RIMS1: variants seen among roughly 807,000 people sequenced by gnomAD.
The protein encoded by RIMS1 is regulating synaptic membrane exocytosis 1.
RIMS1 carries 83 observed loss-of-function variants against 214.1 expected under a neutral mutation model. The ratio of observed to expected loss-of-function variants is 0.39; its 90% CI spans 0.32 to 0.47. The LOEUF (loss-of-function observed/expected upper bound fraction) is 0.47, where lower values mean the gene tolerates loss of function less well. Among genes scored for constraint, RIMS1 ranks in the 20% least tolerant of loss-of-function variants. RIMS1 has a pLI of 0.99. For missense variants in RIMS1, 2,050 were observed against 2,161.8 expected (o/e 0.95, Z 1.03); for synonymous variants, 793 against 786.8 (o/e 1.01, Z -0.13).
intron 6 of RIMS1, among the ~76,000 whole-genome samples, chr6:72,189,503 C>T (rs1254291630): frequency 6.6e-6 from 1 of 152,210 alleles, no homozygotes; most frequent in African/African-American, 2.4e-5. Flanking sequence ...ATAGGCAAAC[C>T]CATATCTGGA....
Position 72,088,290 on chromosome 6 carries a change from C to G in RIMS1, c.246-8659C>G, listed in dbSNP as rs1018489348. Among the ~76,000 whole-genome samples, 14 of 150,330 alleles carry G rather than the reference C, an allele frequency of 9.3e-5. No individual in the cohort carries two copies. In the South Asian group the frequency reaches 1.5e-3, roughly 16 times the overall value. On this transcript the variant is annotated intron_variant, in intron 2 of 33. Transcript: ENST00000521978. Reference sequence around the variant, plus strand: ...TGAGACCGAGTCTCACTCTTGTCACCCAGGCTGAAGTGCAATGGCCTGATC... The same window carrying G: ...TGAGACCGAGTCTCACTCTTGTCACGCAGGCTGAAGTGCAATGGCCTGATC...
At position 71,982,008 on chromosome 6, in the gene RIMS1, C is replaced by G. The variant is rs189220268; in HGVS notation, c.245+12945C>G. ...CTGAATGCCAATTGACAAATGATTT[C>G]AAGATGGATTATATTATCTCCCTTA... On this transcript the variant is annotated intron_variant, in intron 2 of 33. Transcript: ENST00000521978. 1.5e-4 allele frequency among the ~76,000 whole-genome samples: 23 copies of G among 151,500 alleles called. No individual in the cohort carries two copies. In the East Asian group the frequency reaches 3.9e-3, roughly 26 times the overall value.
chr6:71,981,940 C>CTT (rs67381172), intron 2 of RIMS1, among the ~76,000 whole-genome samples: 77 of 148,804 alleles, frequency 5.2e-4, no homozygotes, highest in Middle Eastern at 3.5e-3. Context: ...ATATAAATTG[C>CTT]TTTTTTTTTT....
intron 9 of RIMS1, among the ~76,000 whole-genome samples, chr6:72,240,380 T>C (rs1173275431): frequency 6.6e-6 from 1 of 151,996 alleles, no homozygotes; most frequent in Non-Finnish European, 1.5e-5. Flanking sequence ...CGTTTGCATC[T>C]ACCACTTTAA....
At chr6:72,231,545 C>T (rs1416109495) in intron 6 of RIMS1, among the ~76,000 whole-genome samples, 2 of 151,672 alleles carry the variant, frequency 1.3e-5, no homozygotes, top group Non-Finnish European at 3.0e-5. Context: ...ATATCTGTAG[C>T]ATCCATTTTA....
intron 2 of RIMS1, among the ~76,000 whole-genome samples, chr6:72,057,441 C>G (rs1010005535): frequency 7.3e-5 from 11 of 151,262 alleles, no homozygotes; most frequent in African/African-American, 2.7e-4. Flanking sequence ...ACCTTCTCTA[C>G]TAGTTAAAGG....
At chr6:72,108,853 C>T (rs1235965447) in intron 4 of RIMS1, among the ~76,000 whole-genome samples, 1 of 109,178 alleles carries the variant, frequency 9.2e-6, no homozygotes, top group Non-Finnish European at 1.8e-5. Flanking sequence ...CTCCCCCCTC[C>T]CCCCACCCCA....
At chr6:72,290,614 T>C in intron 24 of RIMS1, 65 bp from the exon 25 acceptor site, 1 of 1,417,996 alleles carries the variant, frequency 7.1e-7, no homozygotes, top group Non-Finnish European at 9.7e-7. Context: ...CTTGGACAAA[T>C]GTGTTGGTAT....
chr6:72,294,515 T>G (rs2093837180), intron 26 of RIMS1, among the ~76,000 whole-genome samples: 2 of 151,768 alleles, frequency 1.3e-5, no homozygotes, highest in Non-Finnish European at 3.0e-5. Flanking sequence ...ATGGTTTAGA[T>G]TACTAGATAC....
At chr6:72,313,081 T>A (rs2095592515) in intron 27 of RIMS1, among the ~76,000 whole-genome samples, 2 of 152,168 alleles carry the variant, frequency 1.3e-5, no homozygotes, top group Admixed American at 1.3e-4. Context: ...TTTGGAGCAC[T>A]TCAGATTTTG....
chr6:72,229,283 C>T (rs1207841169), intron 6 of RIMS1, among the ~76,000 whole-genome samples: 15 of 151,558 alleles, frequency 9.9e-5, no homozygotes, highest in Admixed American at 9.9e-4. Flanking sequence ...ATTTGAGGAC[C>T]AGTATTTTCA....
At chr6:72,337,850 T>C (rs2096899895) in intron 29 of RIMS1, among the ~76,000 whole-genome samples, 5 of 150,906 alleles carry the variant, frequency 3.3e-5, no homozygotes, top group Admixed American at 3.3e-4. Flanking sequence ...GTTTGGTTTT[T>C]TGTCCTTGTG....
At chr6:72,350,382 T>TC (rs2097404618) in intron 29 of RIMS1, among the ~76,000 whole-genome samples, 1 of 152,126 alleles carries the variant, frequency 6.6e-6, no homozygotes. Context: ...TCAAAGTGGC[T>TC]CTGTAATAAG....
At chr6:72,336,396 G>A (rs1178907389) in intron 29 of RIMS1, among the ~76,000 whole-genome samples, 1 of 151,774 alleles carries the variant, frequency 6.6e-6, no homozygotes, top group Non-Finnish European at 1.5e-5. Flanking sequence ...TTTTATCTCA[G>A]TTATGGTCAG....
At chr6:72,169,920 A>G (rs1359151534) in intron 4 of RIMS1, among the ~76,000 whole-genome samples, 1 of 152,142 alleles carries the variant, frequency 6.6e-6, no homozygotes, top group Non-Finnish European at 1.5e-5. Flanking sequence ...CAAAAACAAA[A>G]CATATGTGAG....
intron 3 of RIMS1, among the ~76,000 whole-genome samples, chr6:72,097,863 T>A (rs1010529877): frequency 1.3e-5 from 2 of 152,204 alleles, no homozygotes; most frequent in African/African-American, 4.8e-5. Context: ...AATATTATTA[T>A]TTATGAAATA....
At chr6:72,400,367 A>C (rs1389536596) in intron 33 of RIMS1, 129 bp from the exon 34 acceptor site, 3 of 706,390 alleles carry the variant, frequency 4.2e-6, no homozygotes, top group Non-Finnish European at 7.6e-6. Flanking sequence ...CTCCTTGGTG[A>C]TAGTTGTATT....
rs554042399 is a variant in RIMS1, at chr6:71,928,509, A to G, written c.165-40474A>G. ...ATCCTATGGAGGGTATATTAAAATCAGTATTAATTACTGAGTTTTGGAAAA... is the reference window on the plus strand; with the variant it reads ...ATCCTATGGAGGGTATATTAAAATCGGTATTAATTACTGAGTTTTGGAAAA... On this transcript the variant is annotated intron_variant, in intron 1 of 33. Coordinates refer to ENST00000521978, the MANE Select transcript of RIMS1 (RefSeq NM_014989.7). Among the ~76,000 whole-genome samples the G allele has an allele frequency of 5.7e-4, 87 of 152,248 alleles. 1 individual carries two copies. The South Asian group carries it at 0.018, about 32-fold the overall frequency.
intron 22 of RIMS1, among the ~76,000 whole-genome samples, chr6:72,270,304 G>A (rs1245619911): frequency 2.0e-5 from 3 of 152,130 alleles, no homozygotes; most frequent in Non-Finnish European, 4.4e-5. Flanking sequence ...GGACTAAAAT[G>A]AATAATTAGA....
Sources: allele counts gnomAD v4.1 joint callset (sites outside exome capture counted in the v4.1 genomes callset), GRCh38; gene constraint gnomAD v4.1.1; transcripts MANE v1.5; gene names NCBI Gene and HGNC (gene_info 2026-07-23, HGNC 2026-07-21).